Variants in ERC2 observed in about 807,000 individuals in gnomAD.
ERC2 encodes the protein ELKS/RAB6-interacting/CAST family member 2.
ERC2 carries 42 observed loss-of-function variants against 114.8 expected under a neutral mutation model. That is an observed-to-expected ratio of 0.37 (90% CI 0.29 to 0.47). The LOEUF is 0.47. Ranked by LOEUF, ERC2 falls within the 20% of genes least tolerant of loss-of-function variation. The pLI, the probability that ERC2 is intolerant of heterozygous loss-of-function variation, is 0.99. For missense variants in ERC2, 939 were observed against 1,150.7 expected (o/e 0.82, Z 2.66); for synonymous variants, 454 against 425.5 (o/e 1.07, Z -0.82).
chr3:55,649,981 G>A (rs1334372694), intron 17 of ERC2, among the ~76,000 whole-genome samples: 6 of 152,228 alleles, frequency 3.9e-5, no homozygotes, highest in African/African-American at 1.4e-4. Context: ...AAGGCTCTGG[G>A]TCCCAGGTCC....
intron 10 of ERC2, among the ~76,000 whole-genome samples, chr3:56,000,062 C>T (rs1245025187): frequency 1.3e-5 from 2 of 151,778 alleles, no homozygotes; most frequent in African/African-American, 2.4e-5. Flanking sequence ...AACTAAGACA[C>T]TCACCCAAAT....
intron 13 of ERC2, among the ~76,000 whole-genome samples, chr3:55,946,736 C>T (rs559829857): frequency 1.3e-5 from 2 of 152,300 alleles, no homozygotes; most frequent in Non-Finnish European, 1.5e-5. Context: ...TTCAACTCCA[C>T]GGTTCTGCAT....
intron 14 of ERC2, among the ~76,000 whole-genome samples, chr3:55,776,037 C>A (rs2068583288): frequency 6.6e-6 from 1 of 152,188 alleles, no homozygotes; most frequent in Non-Finnish European, 1.5e-5. Flanking sequence ...CAGAACCTAT[C>A]CTCACCTTTA....
intron 17 of ERC2, among the ~76,000 whole-genome samples, chr3:55,662,920 G>T (rs2061200382): frequency 6.6e-6 from 1 of 152,002 alleles, no homozygotes; most frequent in African/African-American, 2.4e-5. Context: ...AATGAGAGAG[G>T]GCTATTTAAC....
At chr3:56,081,629 A>T (rs759112686) in intron 6 of ERC2, among the ~76,000 whole-genome samples, 20 of 151,930 alleles carry the variant, frequency 1.3e-4, no homozygotes, top group Non-Finnish European at 2.6e-4. Context: ...TCTAAAATTT[A>T]AAAAAAATAT....
At chr3:55,825,955 CAAA>C (rs1343889729) in intron 14 of ERC2, among the ~76,000 whole-genome samples, 2 of 85,010 alleles carry the variant, frequency 2.4e-5, no homozygotes, top group African/African-American at 9.1e-5. Flanking sequence ...CAAAACAAAA[CAAA>C]AGAAGGAAGG....
At chr3:55,543,944 C>T (rs1430990299) in intron 17 of ERC2, among the ~76,000 whole-genome samples, 2 of 152,172 alleles carry the variant, frequency 1.3e-5, no homozygotes, top group Non-Finnish European at 2.9e-5. Flanking sequence ...CCTGCCTGGC[C>T]TATTTCATCC....
intron 17 of ERC2, among the ~76,000 whole-genome samples, chr3:55,595,995 GCC>G (rs1468584593): frequency 6.6e-6 from 1 of 152,176 alleles, no homozygotes; most frequent in African/African-American, 2.4e-5. Flanking sequence ...ACTAGAGAAA[GCC>G]CTTAAACTAA....
At chr3:56,257,587 A>G (rs931268267) in intron 3 of ERC2, among the ~76,000 whole-genome samples, 1 of 152,254 alleles carries the variant, frequency 6.6e-6, no homozygotes, top group Non-Finnish European at 1.5e-5. Flanking sequence ...CATCACGTTC[A>G]AGGCCAAATT....
intron 2 of ERC2, among the ~76,000 whole-genome samples, chr3:56,389,618 G>A (rs1393958933): frequency 6.6e-6 from 1 of 152,174 alleles, no homozygotes; most frequent in Non-Finnish European, 1.5e-5. Context: ...TCAAGCCTGT[G>A]ATCTCAAGGG....
intron 3 of ERC2, among the ~76,000 whole-genome samples, chr3:56,207,227 A>C (rs545734712): frequency 1.3e-5 from 2 of 152,188 alleles, no homozygotes; most frequent in Admixed American, 6.5e-5. Context: ...ATTCAAAACA[A>C]GGGATTATTT....
At chr3:55,760,668 T>C (rs1575515835) in intron 14 of ERC2, among the ~76,000 whole-genome samples, 1 of 152,220 alleles carries the variant, frequency 6.6e-6, no homozygotes, top group East Asian at 1.9e-4. Flanking sequence ...AATGCTCACT[T>C]ATCACTGAAT....
chr3:56,364,646 A>G (rs2059083242), intron 2 of ERC2, among the ~76,000 whole-genome samples: 1 of 152,210 alleles, frequency 6.6e-6, no homozygotes, highest in Non-Finnish European at 1.5e-5. Context: ...GCTTTCCTAC[A>G]TTTCCCAAAT....
chr3:55,551,401 T>C (rs2055198889), intron 17 of ERC2, among the ~76,000 whole-genome samples: 1 of 152,068 alleles, frequency 6.6e-6, no homozygotes, highest in Non-Finnish European at 1.5e-5. Flanking sequence ...TGGGTGCCTG[T>C]AATCCCAGCT....
intron 2 of ERC2, among the ~76,000 whole-genome samples, chr3:56,408,537 T>C (rs537031180): frequency 2.4e-4 from 37 of 152,222 alleles, no homozygotes; most frequent in African/African-American, 8.7e-4. Flanking sequence ...TTACGCTTCG[T>C]AATGGTCACA....
chr3:56,213,266 C>A (rs1326767606), intron 3 of ERC2, among the ~76,000 whole-genome samples: 1 of 152,174 alleles, frequency 6.6e-6, no homozygotes, highest in Non-Finnish European at 1.5e-5. Flanking sequence ...CCTTTCCTAG[C>A]CAAGGAAAGG....
chr3:55,590,107 C>A (rs1468099161), intron 17 of ERC2, among the ~76,000 whole-genome samples: 2 of 151,964 alleles, frequency 1.3e-5, no homozygotes, highest in Non-Finnish European at 2.9e-5. Context: ...AAAAAATAAA[C>A]CAAGGATACA....
intron 6 of ERC2, among the ~76,000 whole-genome samples, chr3:56,132,487 A>G (rs1475607989): frequency 2.0e-5 from 3 of 152,180 alleles, no homozygotes; most frequent in African/African-American, 7.2e-5. Context: ...AACCTCCCTG[A>G]AGAAATTATC....
intron 15 of ERC2, among the ~76,000 whole-genome samples, chr3:55,729,269 C>T (rs1270213491): frequency 6.6e-6 from 1 of 152,130 alleles, no homozygotes; most frequent in African/African-American, 2.4e-5. Flanking sequence ...TGCTATCCCC[C>T]AAACACACAC....
Sources: gnomAD v4.1 joint callset for allele counts (sites outside exome capture counted in the v4.1 genomes callset) on GRCh38, gnomAD v4.1.1 for gene constraint, MANE v1.5 for transcripts, NCBI Gene and HGNC (gene_info 2026-07-23, HGNC 2026-07-21) for gene names.